The following PFKFB3 variants were observed in gnomAD, a reference collection of about 807,000 sequenced individuals.
The protein encoded by PFKFB3 is 6-phosphofructo-2-kinase/fructose-2,6-bisphosphatase 3.
PFKFB3 carries 33 observed loss-of-function variants against 68.0 expected under a neutral mutation model. The observed-to-expected ratio is 0.49, with a 90% CI of 0.37 to 0.65. The LOEUF is 0.65. Ranked by LOEUF, PFKFB3 falls within the 30% of genes least tolerant of loss-of-function variation. The pLI, the probability that PFKFB3 is intolerant of heterozygous loss-of-function variation, is 0.00. For synonymous variants in PFKFB3, 315 were observed against 288.2 expected (o/e 1.09, Z -0.94); for missense variants, 586 against 712.2 (o/e 0.82, Z 2.02).
the PFKFB3 span, chr10:6,277,661 C>T: frequency 6.5e-6 from 2 of 306,264 alleles, no homozygotes; most frequent in South Asian, 2.6e-5. Context: ...GTAAGATGTG[C>T]CTGCTTCCCC....
At chr10:6,304,996 A>G in the PFKFB3 span, among the ~76,000 whole-genome samples, 1 of 77,248 alleles carries the variant, frequency 1.3e-5, no homozygotes, top group Non-Finnish European at 2.7e-5. Context: ...TAAATTAAAA[A>G]TATTAGGAAT....
At position 6,248,664 on chromosome 10, in the gene PFKFB3, T is replaced by G. The variant is rs925998668; in HGVS notation, c.1516-5514T>G. On this transcript the variant is annotated intron_variant, in intron 14 of 14. Coordinates refer to the PFKFB3 transcript ENST00000640683. Reference sequence around the variant, plus strand: ...AAAAAAAAAAAAAAGGCAGGGGATCTGAATAGATGTTTCTCAAAAGAAGAC... The same window carrying G: ...AAAAAAAAAAAAAAGGCAGGGGATCGGAATAGATGTTTCTCAAAAGAAGAC... Among the ~76,000 whole-genome samples, 35 of 143,486 alleles carry G rather than the reference T, an allele frequency of 2.4e-4. 1 individual carries two copies. Among genetic ancestry groups the G allele is most frequent in the Non-Finnish European group, 3.0e-5 (2 of 66,204 alleles). The allele number at this position is 143,486 out of a possible 152,430, so 94.1% of individuals were successfully genotyped here.
chr10:6,250,933 C>T (rs1588570373), intron 14 of PFKFB3, among the ~76,000 whole-genome samples: 1 of 152,148 alleles, frequency 6.6e-6, no homozygotes, highest in Non-Finnish European at 1.5e-5. Flanking sequence ...CTTAACTTAG[C>T]CGCACACCAG....
At chr10:6,171,881 C>G (rs1842323843) in intron 1 of PFKFB3, among the ~76,000 whole-genome samples, 1 of 152,214 alleles carries the variant, frequency 6.6e-6, no homozygotes, top group African/African-American at 2.4e-5. Context: ...TTCTCAAGCT[C>G]AAATGCCTAG....
At chr10:6,183,660 A>G (rs1842785681) in intron 1 of PFKFB3, among the ~76,000 whole-genome samples, 1 of 148,986 alleles carries the variant, frequency 6.7e-6, no homozygotes, top group African/African-American at 2.4e-5. Context: ...AAATAATTAC[A>G]TGTATAGTTT....
At chr10:6,180,511 C>T (rs1272081036) in intron 1 of PFKFB3, among the ~76,000 whole-genome samples, 3 of 152,190 alleles carry the variant, frequency 2.0e-5, no homozygotes, top group African/African-American at 7.2e-5. Context: ...TTTGCCCAAG[C>T]TGGAGTACAG....
At chr10:6,198,664 G>A (rs1175051334), upstream of PFKFB3, among the ~76,000 whole-genome samples, 2 of 152,114 alleles carry the variant, frequency 1.3e-5, no homozygotes, top group Non-Finnish European at 2.9e-5. Context: ...TGTATTTTTA[G>A]TAAAGACGAG....
the PFKFB3 span, among the ~76,000 whole-genome samples, chr10:6,275,199 C>A: frequency 6.6e-6 from 1 of 152,196 alleles, no homozygotes; most frequent in Admixed American, 6.5e-5. The surrounding 1 kb of genome is among the most constrained non-coding windows in gnomAD (Gnocchi z 4.9). Flanking sequence ...CACGGCCCCG[C>A]CCCTCTGTTG....
chr10:6,290,657 C>T, the PFKFB3 span, among the ~76,000 whole-genome samples: 1 of 152,040 alleles, frequency 6.6e-6, no homozygotes, highest in African/African-American at 2.4e-5. Flanking sequence ...CACCACCATG[C>T]CCAGCTAACT....
intron 1 of PFKFB3, among the ~76,000 whole-genome samples, chr10:6,170,529 C>A (rs184187331): frequency 6.6e-6 from 1 of 152,304 alleles, no homozygotes; most frequent in Admixed American, 6.5e-5. Flanking sequence ...GCCACATAGA[C>A]CTCCTTCCTA....
At chr10:6,264,145 C>CACA in the PFKFB3 span, among the ~76,000 whole-genome samples, 2 of 152,208 alleles carry the variant, frequency 1.3e-5, no homozygotes, top group Non-Finnish European at 2.9e-5. Flanking sequence ...TTTCCCATTG[C>CACA]ACTTGAGTGC....
rs754314355 is a variant in PFKFB3, at chr10:6,177,431, TTTC to T, written c.16+32421_16+32423del. Among the ~76,000 whole-genome samples, 2 of 40,754 alleles carry T rather than the reference TTTC, an allele frequency of 4.9e-5. 1 individual carries two copies. The highest frequency in any genetic ancestry group is 6.2e-4 in the Admixed American group (2 of 3,216). The allele number at this position is 40,754 out of a possible 152,430, so 26.7% of individuals were successfully genotyped here. On this transcript the variant is annotated intron_variant, in intron 1 of 14. Coordinates refer to the PFKFB3 transcript ENST00000379789. ...TTCTTCTTTCTCTTTCTTCCTTTCT[TTTC>T]TTTCTCTTTCTTTCTTTCTTTCTTT...
intron 1 of PFKFB3, among the ~76,000 whole-genome samples, chr10:6,192,014 TG>T (rs1843036606): frequency 2.6e-5 from 2 of 78,322 alleles, no homozygotes; most frequent in Non-Finnish European, 6.7e-5. Context: ...AATCCCTAGA[TG>T]AGTATTTTTT....
At chr10:6,146,056 A>C (rs1377995340) in intron 1 of PFKFB3, among the ~76,000 whole-genome samples, 1 of 152,044 alleles carries the variant, frequency 6.6e-6, no homozygotes, top group African/African-American at 2.4e-5. Flanking sequence ...GGAGGGGTTG[A>C]GTTCTGGTGA....
At chr10:6,196,484 C>A (rs1843178991) in intron 1 of PFKFB3, among the ~76,000 whole-genome samples, 1 of 152,160 alleles carries the variant, frequency 6.6e-6, no homozygotes, top group African/African-American at 2.4e-5. Flanking sequence ...GGTCCCAAAA[C>A]CTCAAAAGTG....
intron 1 of PFKFB3, among the ~76,000 whole-genome samples, chr10:6,180,950 A>G (rs1489040954): frequency 6.6e-6 from 1 of 152,198 alleles, no homozygotes; most frequent in Non-Finnish European, 1.5e-5. Context: ...TCTTTAAAAG[A>G]TAAAGTTTGG....
intron 14 of PFKFB3, among the ~76,000 whole-genome samples, chr10:6,252,527 T>C (rs1002233960): frequency 1.3e-5 from 2 of 152,218 alleles, no homozygotes; most frequent in African/African-American, 4.8e-5. Flanking sequence ...TTAGAAATGA[T>C]TGAAATACCT....
intron 1 of PFKFB3, among the ~76,000 whole-genome samples, chr10:6,158,883 GA>G (rs1841887711): frequency 6.7e-6 from 1 of 148,166 alleles, no homozygotes; most frequent in Non-Finnish European, 1.5e-5. Context: ...AAAAAAAAAA[GA>G]AATTCACCTA....
In PFKFB3 at chr10:6,229,348, T is replaced by C. The variant is rs1588540423; in HGVS notation, c.1515+2983T>C. On this transcript the variant is annotated intron_variant, in intron 14 of 14. Transcript: ENST00000379775. This position sits in a 1 kb window ranked among gnomAD's most constrained non-coding sequence, Gnocchi z 4.3. ...GTGACCGGCCCGTGCTTCCAGCAGG[T>C]GAGCCGCAGAGCCGGGGCCTGAAAG... is the stretch of plus-strand genomic sequence containing the variant. Among the ~76,000 whole-genome samples, 1 of 152,292 alleles carries C rather than the reference T, an allele frequency of 6.6e-6. No homozygotes were observed. Among genetic ancestry groups the C allele is most frequent in the South Asian group, 2.1e-4 (1 of 4,830 alleles).
Sources: allele counts gnomAD v4.1 joint callset (sites outside exome capture counted in the v4.1 genomes callset), GRCh38; gene constraint gnomAD v4.1.1; non-coding constraint Gnocchi (gnomAD v3.1); transcripts MANE v1.5; gene names NCBI Gene and HGNC (gene_info 2026-07-23, HGNC 2026-07-21).